Variants in TEX9 observed in about 807,000 individuals in gnomAD.
The protein encoded by TEX9 is testis-expressed protein 9.
In TEX9, 74 loss-of-function variants were observed where a neutral mutation model predicts 59.6. The observed-to-expected ratio is 1.24, with a 90% CI of 1.03 to 1.51. The LOEUF is 1.51. Ranked by LOEUF, TEX9 falls within the 40% of genes most tolerant of loss-of-function variation. The pLI, the probability that TEX9 is intolerant of heterozygous loss-of-function variation, is 0.00. For missense variants in TEX9, 522 were observed against 447.8 expected, an observed-to-expected ratio of 1.17 and a Z score of -1.49; for synonymous variants, 186 against 152.2, an observed-to-expected ratio of 1.22 and a Z score of -1.64.
chr15:56,428,029 G>A (rs1372454464), intron 11 of TEX9, among the ~76,000 whole-genome samples: 2 of 151,998 alleles, frequency 1.3e-5, no homozygotes, highest in East Asian at 3.9e-4. Flanking sequence ...ATGACTATTA[G>A]GGGACTGTTT....
intron 1 of TEX9, among the ~76,000 whole-genome samples, chr15:56,244,847 A>T (rs2043808059): frequency 6.9e-6 from 1 of 143,974 alleles, no homozygotes; most frequent in African/African-American, 2.5e-5. Context: ...TACCTAAATG[A>T]TAGCTTTGCC....
intron 10 of TEX9, among the ~76,000 whole-genome samples, chr15:56,419,540 G>C (rs997392146): frequency 6.6e-6 from 1 of 151,560 alleles, no homozygotes; most frequent in Non-Finnish European, 1.5e-5. Context: ...TCTTTTTTTA[G>C]TCTTTCAAAT....
At chr15:56,412,818 C>A (rs1225829609) in intron 10 of TEX9, among the ~76,000 whole-genome samples, 2 of 152,254 alleles carry the variant, frequency 1.3e-5, no homozygotes, top group East Asian at 3.9e-4. Context: ...CTCTATTTTA[C>A]AGGGCAGTGG....
chr15:56,412,949 T>G (rs2049436667), intron 10 of TEX9, among the ~76,000 whole-genome samples: 1 of 152,088 alleles, frequency 6.6e-6, no homozygotes. Context: ...ATTGCACTTT[T>G]AACAAGTTCC....
chr15:56,391,169 T>C (rs2048191029), intron 6 of TEX9, 74 bp from the exon 7 acceptor site: 2 of 961,296 alleles, frequency 2.1e-6, no homozygotes, highest in African/African-American at 3.4e-5. Flanking sequence ...AAAAGGCATA[T>C]ATCCTGTCTA....
intron 9 of TEX9, among the ~76,000 whole-genome samples, chr15:56,407,587 C>A (rs888636465): frequency 6.6e-6 from 1 of 152,096 alleles, no homozygotes; most frequent in East Asian, 1.9e-4. Flanking sequence ...GATAATTTGT[C>A]TCTTCTGTCA....
rs1193257764 is a variant in TEX9, at chr15:56,329,792, G to A, written c.-106-43649G>A. On this transcript the variant is annotated intron_variant, in intron 1 of 5. Coordinates refer to the TEX9 transcript ENST00000560827. ...AAAAAACAATGAAGCAAGCCTACAAGACCTAGAAAATAGCTTCAAAAGGGC... is the reference window on the plus strand; with the variant it reads ...AAAAAACAATGAAGCAAGCCTACAAAACCTAGAAAATAGCTTCAAAAGGGC... Among the ~76,000 whole-genome samples, 4 of 152,252 alleles carry A rather than the reference G, an allele frequency of 2.6e-5. No homozygotes were observed. The East Asian group carries it at 7.7e-4, about 29-fold the overall frequency.
At chr15:56,293,649 G>T (rs1032718264) in intron 1 of TEX9, among the ~76,000 whole-genome samples, 1 of 152,198 alleles carries the variant, frequency 6.6e-6, no homozygotes, top group Non-Finnish European at 1.5e-5. Flanking sequence ...CTCCAGAAGG[G>T]ACTGGAGATT....
chr15:56,397,092 A>C (rs2048517844), intron 9 of TEX9: 1 of 154,344 alleles, frequency 6.5e-6, no homozygotes, highest in South Asian at 2.1e-4. Flanking sequence ...AACTCCCTAG[A>C]GACTTGTTGA....
At chr15:56,458,396 GCCT>G in the TEX9 span, among the ~76,000 whole-genome samples, 1 of 152,068 alleles carries the variant, frequency 6.6e-6, no homozygotes, top group African/African-American at 2.4e-5. Flanking sequence ...CCTTCTATCA[GCCT>G]CCTCCATTAG....
At chr15:56,383,903 GTT>G (rs1226129696) in intron 3 of TEX9, 47 bp from the exon 4 acceptor site, 1 of 1,388,384 alleles carries the variant, frequency 7.2e-7, no homozygotes, top group East Asian at 2.3e-5. Context: ...TATCTTAATG[GTT>G]TGGTTTTTTT....
At chr15:56,342,202 G>A (rs2046385117) in intron 1 of TEX9, among the ~76,000 whole-genome samples, 2 of 152,038 alleles carry the variant, frequency 1.3e-5, no homozygotes, top group South Asian at 4.2e-4. Flanking sequence ...ACTAATCTAT[G>A]CCAGGCGCTC....
At chr15:56,332,409 A>G (rs2046167529) in intron 1 of TEX9, among the ~76,000 whole-genome samples, 3 of 149,938 alleles carry the variant, frequency 2.0e-5, no homozygotes, top group Admixed American at 1.3e-4. Flanking sequence ...CATAGGTGGG[A>G]ATTGAACAAT....
chr15:56,350,139 T>C (rs776280778), intron 1 of TEX9, among the ~76,000 whole-genome samples: 8 of 152,310 alleles, frequency 5.3e-5, no homozygotes, highest in Non-Finnish European at 1.0e-4. Context: ...CCCTAGTTTA[T>C]TTGTTTATCT....
At chr15:56,451,814 C>G in the TEX9 span, among the ~76,000 whole-genome samples, 1 of 152,080 alleles carries the variant, frequency 6.6e-6, no homozygotes, top group East Asian at 1.9e-4. Context: ...AGCATCTGTA[C>G]TTTTTGACCA....
chr15:56,244,377 T>G (rs1030080814), intron 1 of TEX9: 25 of 152,026 alleles, frequency 1.6e-4, no homozygotes, highest in African/African-American at 5.8e-4. Flanking sequence ...AAATCGCGAG[T>G]CAGGAGCTGG....
chr15:56,316,857 T>C (rs1237859412), intron 1 of TEX9, among the ~76,000 whole-genome samples: 1 of 152,136 alleles, frequency 6.6e-6, no homozygotes, highest in Non-Finnish European at 1.5e-5. Flanking sequence ...TCGTGGTGCA[T>C]CGTTTTTTAA....
chr15:56,319,736 G>C (rs1365413517), intron 1 of TEX9, among the ~76,000 whole-genome samples: 1 of 152,136 alleles, frequency 6.6e-6, no homozygotes, highest in African/African-American at 2.4e-5. Flanking sequence ...TCAATTCCCA[G>C]GATGAGGAGG....
chr15:56,272,937 TA>T (rs60170673), intron 1 of TEX9, among the ~76,000 whole-genome samples: 2,579 of 142,778 alleles, frequency 0.018, 53 homozygotes, highest in East Asian at 0.13. Context: ...TTTATTTATT[TA>T]TTTTTTTTGT....
Sources: gnomAD v4.1 joint callset for allele counts (sites outside exome capture counted in the v4.1 genomes callset) on GRCh38, gnomAD v4.1.1 for gene constraint, MANE v1.5 for transcripts, NCBI Gene and HGNC (gene_info 2026-07-23, HGNC 2026-07-21) for gene names.